RABGEF1: variants seen among roughly 807,000 people sequenced by gnomAD.
The protein encoded by RABGEF1 is rab5 GDP/GTP exchange factor.
RABGEF1 carries 26 observed loss-of-function variants against 57.3 expected under a neutral mutation model. The observed-to-expected ratio is 0.45, with a 90% CI of 0.33 to 0.63. The LOEUF (loss-of-function observed/expected upper bound fraction) is 0.63. Ranked by LOEUF, RABGEF1 falls within the 20% of genes least tolerant of loss-of-function variation. RABGEF1 has a pLI of 0.02. For synonymous variants in RABGEF1, 185 were observed against 210.7 expected, an observed-to-expected ratio of 0.88 and a Z score of 1.06; for missense variants, 464 against 607.6, an observed-to-expected ratio of 0.76 and a Z score of 2.48.
At chr7:66,788,598 A>C (rs562662220) in intron 4 of RABGEF1, among the ~76,000 whole-genome samples, 5 of 152,270 alleles carry the variant, frequency 3.3e-5, no homozygotes, top group African/African-American at 1.2e-4. Context: ...AGTCATTCTG[A>C]TAAGCTCTTC....
chr7:66,787,801 A>G (rs1330907408), intron 4 of RABGEF1, among the ~76,000 whole-genome samples: 1 of 152,240 alleles, frequency 6.6e-6, no homozygotes, highest in Non-Finnish European at 1.5e-5. Flanking sequence ...AAGGCACTGT[A>G]TAGACCCAAT....
intron 4 of RABGEF1, among the ~76,000 whole-genome samples, chr7:66,792,843 G>A (rs1424693757): frequency 7.2e-5 from 11 of 152,186 alleles, no homozygotes; most frequent in Non-Finnish European, 1.5e-4. Context: ...GGTGAACAGT[G>A]CCCTTGTGGA....
At chr7:66,787,035 T>C (rs1278761267) in intron 4 of RABGEF1, among the ~76,000 whole-genome samples, 1 of 152,120 alleles carries the variant, frequency 6.6e-6, no homozygotes, top group East Asian at 1.9e-4. Flanking sequence ...ATTATTATTA[T>C]TTCTTTTTGA....
upstream of RABGEF1, among the ~76,000 whole-genome samples, chr7:66,679,799 G>A (rs775240138): frequency 6.6e-6 from 1 of 152,182 alleles, no homozygotes; most frequent in Non-Finnish European, 1.5e-5. Context: ...GGAGGCCAGG[G>A]TTGGCAGATT....
intron 1 of RABGEF1, among the ~76,000 whole-genome samples, chr7:66,690,557 A>T (rs1424802747): frequency 6.6e-6 from 1 of 150,672 alleles, no homozygotes; most frequent in Non-Finnish European, 1.5e-5. Flanking sequence ...TCTACCTAAA[A>T]TACAAAAATT....
At position 66,766,496 on chromosome 7, in the gene RABGEF1, C is replaced by A. The variant is rs1296462607; in HGVS notation, c.-17-5387C>A. Among the ~76,000 whole-genome samples the A allele has an allele frequency of 3.3e-5, 5 of 151,990 alleles. No homozygotes were observed. In the East Asian group the frequency reaches 9.6e-4, roughly 29 times the overall value. On this transcript the variant is annotated intron_variant, in intron 1 of 8. Transcript: ENST00000284957. The stretch of plus-strand genomic sequence containing the variant: ...CTACTTGTTATTTTCTTGCTTTCTA[C>A]CTCAGCCTTATCTACTATTTATAAA...
rs971691630 is a variant in RABGEF1, at chr7:66,811,225, T to C, written c.*1941T>C. 3 of 152,190 alleles carry C rather than the reference T, an allele frequency of 2.0e-5. No homozygotes were observed. The highest frequency in any genetic ancestry group is 7.2e-5 in the African/African-American group (3 of 41,448). 9.4% of individuals were successfully genotyped at this position (152,190 alleles called of 1,614,324 possible). A position where few individuals can be genotyped will look rare whatever the true frequency, so the allele number is the denominator to read the frequency against. On this transcript the variant is annotated 3_prime_UTR_variant, in exon 9 of 9. Transcript: ENST00000284957. ...TTTTTTGGGTCTCTTACATATAAAGTAGGTTATTGAGTTGATTTTTTTGGA... is the reference window on the plus strand; with the variant it reads ...TTTTTTGGGTCTCTTACATATAAAGCAGGTTATTGAGTTGATTTTTTTGGA...
At chr7:66,706,926 C>T (rs1794188250) in intron 1 of RABGEF1, among the ~76,000 whole-genome samples, 1 of 151,272 alleles carries the variant, frequency 6.6e-6, no homozygotes, top group African/African-American at 2.4e-5. Flanking sequence ...GGACTACAGG[C>T]GCCCACGACC....
chr7:66,731,306 A>G (rs1262951089), intron 2 of RABGEF1, among the ~76,000 whole-genome samples: 1 of 152,204 alleles, frequency 6.6e-6, no homozygotes, highest in African/African-American at 2.4e-5. Context: ...TTGGAAAACC[A>G]GAGAAGAGGA....
intron 1 of RABGEF1, among the ~76,000 whole-genome samples, chr7:66,765,804 TTC>T (rs1805555799): frequency 2.0e-5 from 3 of 152,156 alleles, no homozygotes; most frequent in Non-Finnish European, 4.4e-5. Context: ...TGGGGGACCA[TTC>T]ACCTTATACA....
chr7:66,664,077 GAAAAA>G, the RABGEF1 span, among the ~76,000 whole-genome samples: 1 of 77,874 alleles, frequency 1.3e-5, no homozygotes, highest in Non-Finnish European at 2.8e-5. Context: ...GTCTCAAAAA[GAAAAA>G]AAAAAAAAAA....
the RABGEF1 span, chr7:66,665,171 A>G: frequency 6.6e-6 from 1 of 151,438 alleles, no homozygotes; most frequent in South Asian, 2.1e-4. Flanking sequence ...TTTAACTAGA[A>G]TCTCACTGTG....
At position 66,754,822 on chromosome 7, in the gene RABGEF1, G is replaced by A. The variant is rs1583754735; in HGVS notation, c.-18+14030G>A. ...GTGTGTATCACTTTACCCAGCCACA[G>A]CAAGTGATTATGGATGAAATGGCTA... On this transcript the variant is annotated intron_variant, in intron 1 of 8. Coordinates refer to ENST00000284957, the MANE Select transcript of RABGEF1 (RefSeq NM_014504.3). Among the ~76,000 whole-genome samples the A allele has an allele frequency of 2.0e-5, 3 of 152,306 alleles. No homozygotes were observed. In the Middle Eastern group the frequency reaches 0.01, roughly 518 times the overall value.
chr7:66,769,027 T>G (rs1468202550), intron 1 of RABGEF1: 1 of 152,188 alleles, frequency 6.6e-6, no homozygotes, highest in Non-Finnish European at 1.5e-5. Flanking sequence ...GAGGAGATGG[T>G]AAGTGGGGGG....
intron 2 of RABGEF1, among the ~76,000 whole-genome samples, chr7:66,731,698 C>G (rs1562747934): frequency 6.6e-6 from 1 of 152,156 alleles, no homozygotes; most frequent in Admixed American, 6.5e-5. Flanking sequence ...GCCTGGGTGA[C>G]AGAGAGCGAG....
intron 8 of RABGEF1, among the ~76,000 whole-genome samples, chr7:66,808,252 G>T (rs1212466996): frequency 6.7e-6 from 1 of 148,764 alleles, no homozygotes; most frequent in African/African-American, 2.5e-5. Context: ...GTCTTGCTCT[G>T]TCACCCAGGC....
At chr7:66,694,752 G>C (rs1771115117) in intron 1 of RABGEF1, among the ~76,000 whole-genome samples, 1 of 152,208 alleles carries the variant, frequency 6.6e-6, no homozygotes, top group South Asian at 2.1e-4. Flanking sequence ...GAGGGTGGAG[G>C]GGAGGGGGAG....
chr7:66,782,574 G>A (rs1294406458), intron 3 of RABGEF1, among the ~76,000 whole-genome samples: 1 of 150,994 alleles, frequency 6.6e-6, no homozygotes, highest in Non-Finnish European at 1.5e-5. Context: ...GGGCTCAAGC[G>A]ATCCTCCTGC....
intron 2 of RABGEF1, among the ~76,000 whole-genome samples, chr7:66,734,809 A>G (rs1797758607): frequency 6.6e-6 from 1 of 152,004 alleles, no homozygotes. Flanking sequence ...AATGACGGAC[A>G]CTGCTGGTCG....
Sources: allele counts gnomAD v4.1 joint callset (sites outside exome capture counted in the v4.1 genomes callset), GRCh38; gene constraint gnomAD v4.1.1; transcripts MANE v1.5; gene names NCBI Gene and HGNC (gene_info 2026-07-23, HGNC 2026-07-21).